The following ATP9B variants were observed in gnomAD, a reference collection of about 807,000 sequenced individuals.
The protein encoded by ATP9B is ATPase phospholipid transporting 9B.
In ATP9B, 110 loss-of-function variants were observed where a neutral mutation model predicts 146.1. The observed-to-expected ratio is 0.75, with a 90% confidence interval of 0.65 to 0.88. The LOEUF (loss-of-function observed/expected upper bound fraction) is 0.88, where lower values mean the gene tolerates loss of function less well. Among genes scored for constraint, ATP9B ranks in the 40% least tolerant of loss-of-function variants. The pLI, the probability that ATP9B is intolerant of heterozygous loss-of-function variation, is 0.00. For synonymous variants in ATP9B, 604 were observed against 569.7 expected (o/e 1.06, Z -0.86); for missense variants, 1,499 against 1,496.4 (o/e 1.00, Z -0.03).
At chr18:79,328,364 A>G (rs1014551463) in intron 15 of ATP9B, among the ~76,000 whole-genome samples, 3 of 152,218 alleles carry the variant, frequency 2.0e-5, no homozygotes, top group African/African-American at 7.2e-5. Flanking sequence ...TATTAACTGT[A>G]AAAATTGCTC....
intron 10 of ATP9B, among the ~76,000 whole-genome samples, chr18:79,209,182 A>T (rs1286872606): frequency 6.6e-6 from 1 of 152,218 alleles, no homozygotes; most frequent in African/African-American, 2.4e-5. Flanking sequence ...ATTCCCTGAA[A>T]GCCAGTGTCC....
At chr18:79,193,141 A>G (rs1309547231) in intron 8 of ATP9B, 42 bp from the exon 9 acceptor site, 6 of 1,401,444 alleles carry the variant, frequency 4.3e-6, no homozygotes, top group Non-Finnish European at 6.0e-6. Flanking sequence ...TAATTTTACT[A>G]AACTATAACA....
At position 79,183,010 on chromosome 18, in the gene ATP9B, C is replaced by T. The variant is rs150385030; in HGVS notation, c.873+6103C>T. Among the ~76,000 whole-genome samples, 146 of 152,320 alleles carry T rather than the reference C, an allele frequency of 9.6e-4. 3 individuals are homozygous for T. The East Asian group carries it at 0.026, about 27-fold the overall frequency. On this transcript the variant is annotated intron_variant, in intron 8 of 29. Transcript: ENST00000426216. The stretch of plus-strand genomic sequence containing the variant: ...AAATAGAAAAAAACCTGCCAGTCTG[C>T]ATTGGCCATCAGAGCATTTTGGTAT...
chr18:79,117,474 C>CA (rs1245986643), intron 4 of ATP9B: 1 of 152,228 alleles, frequency 6.6e-6, no homozygotes, highest in East Asian at 1.9e-4. Flanking sequence ...GTAAAACAGT[C>CA]AGATATGAAA....
chr18:79,081,198 C>T (rs752400068), intron 1 of ATP9B, among the ~76,000 whole-genome samples: 3 of 152,100 alleles, frequency 2.0e-5, no homozygotes, highest in Non-Finnish European at 4.4e-5. Context: ...GGAATGATAC[C>T]AGCTCCTCTT....
At chr18:79,226,968 A>G (rs1482270250) in intron 11 of ATP9B, among the ~76,000 whole-genome samples, 2 of 152,114 alleles carry the variant, frequency 1.3e-5, no homozygotes, top group South Asian at 2.1e-4. Context: ...GTTGGGCACC[A>G]TATACTAGGC....
chr18:79,080,553 A>G (rs1053094272), intron 1 of ATP9B, among the ~76,000 whole-genome samples: 2 of 152,170 alleles, frequency 1.3e-5, no homozygotes, highest in Middle Eastern at 3.4e-3. Context: ...GTATACAATC[A>G]TGTCATCCAC....
In ATP9B at chr18:79,277,111, T is replaced by A. The variant is rs1159458749; in HGVS notation, c.1326T>A (p.Asp442Glu). The A allele has an allele frequency of 6.2e-7, 1 of 1,614,082 alleles. No homozygotes were observed. Among genetic ancestry groups the A allele is most frequent in the Non-Finnish European group, 8.5e-7 (1 of 1,180,030 alleles). Reference sequence around the variant, plus strand: ...TGTATGGATGGATGATGATGAAAGATGAGAACATCCCTGGCACGGTCGTTC... The same window carrying A: ...TGTATGGATGGATGATGATGAAAGAAGAGAACATCCCTGGCACGGTCGTTC... The part of the protein sequence containing the change: ...KAVYGWMMMK[D>E]ENIPGTVVRT... Residue 442 changes from aspartate to glutamate, a missense_variant, in exon 13 of 30, where the codon GAT becomes GAA. By Grantham distance (45) the Asp-to-Glu change is conservative. Coordinates refer to ENST00000426216, the MANE Select transcript of ATP9B (RefSeq NM_198531.5).
At chr18:79,206,703 C>T (rs151101642) in intron 9 of ATP9B, among the ~76,000 whole-genome samples, 22 of 152,066 alleles carry the variant, frequency 1.4e-4, no homozygotes, top group Non-Finnish European at 3.1e-4. Flanking sequence ...AGAATTATTT[C>T]GTTTGTGTAT....
intron 11 of ATP9B, among the ~76,000 whole-genome samples, chr18:79,219,635 G>C (rs556729621): frequency 1.6e-4 from 25 of 152,262 alleles, no homozygotes; most frequent in Non-Finnish European, 3.4e-4. Context: ...CTATCAGTAT[G>C]TCACTCTTTC....
chr18:79,343,957 A>G (rs993004291), intron 20 of ATP9B: 2 of 439,890 alleles, frequency 4.5e-6, no homozygotes, highest in Admixed American at 4.0e-5. Context: ...GGTAATTATT[A>G]ACTCATAGGC....
Position 79,311,336 on chromosome 18 carries a change from C to A in ATP9B, c.1773+4102C>A, listed in dbSNP as rs1452406486. 3.3e-5 allele frequency among the ~76,000 whole-genome samples: 5 copies of A among 152,228 alleles called. No individual in the cohort carries two copies. The East Asian group carries it at 7.7e-4, about 23-fold the overall frequency. On this transcript the variant is annotated intron_variant, in intron 15 of 29. Coordinates refer to ENST00000426216, the MANE Select transcript of ATP9B (RefSeq NM_198531.5). ...GAATGTGAGGATGTGAGGCCCTCCTCCACCAATATTTTAAGTTTTCTGTAC... is the reference window on the plus strand; with the variant it reads ...GAATGTGAGGATGTGAGGCCCTCCTACACCAATATTTTAAGTTTTCTGTAC...
At chr18:79,343,910 T>C in intron 20 of ATP9B, 1 of 341,692 alleles carries the variant, frequency 2.9e-6, no homozygotes, top group Non-Finnish European at 5.5e-6. Context: ...AGGGAGTGTA[T>C]GTATAAAAGG....
chr18:79,148,127 A>G (rs574231033), intron 6 of ATP9B, among the ~76,000 whole-genome samples: 1 of 152,326 alleles, frequency 6.6e-6, no homozygotes, highest in South Asian at 2.1e-4. Flanking sequence ...TGAAATAGAC[A>G]ATATCAGTAG....
intron 13 of ATP9B, among the ~76,000 whole-genome samples, chr18:79,295,121 C>G (rs923329792): frequency 1.3e-5 from 2 of 152,106 alleles, no homozygotes; most frequent in Non-Finnish European, 2.9e-5. Context: ...GACACACACA[C>G]ACACACAGCA....
At chr18:79,200,727 G>GTCAGGGTCAGAGCAGAGGTGGAGGTGGGA in intron 9 of ATP9B, among the ~76,000 whole-genome samples, 49 of 45,504 alleles carry the variant, frequency 1.1e-3, no homozygotes, top group African/African-American at 1.3e-3. Flanking sequence ...TGGAGGTGGG[G>GTCAGGGTCAGAGCAGAGGTGGAGGTGGGA]ACTGTCGGGG....
intron 26 of ATP9B, chr18:79,360,740 A>C (rs894305621): frequency 6.6e-6 from 1 of 152,260 alleles, no homozygotes; most frequent in Non-Finnish European, 1.5e-5. Flanking sequence ...AAATAAAGCT[A>C]GTTCACCAGT....
intron 17 of ATP9B, among the ~76,000 whole-genome samples, chr18:79,335,228 T>C (rs1476535925): frequency 2.0e-5 from 3 of 152,218 alleles, no homozygotes; most frequent in Admixed American, 6.5e-5. Context: ...CCCTCGTTCA[T>C]GTAAGCAATA....
intron 1 of ATP9B, among the ~76,000 whole-genome samples, chr18:79,095,996 T>A (rs1378616316): frequency 1.3e-5 from 2 of 152,184 alleles, no homozygotes; most frequent in Non-Finnish European, 2.9e-5. Flanking sequence ...AACCAAGGGA[T>A]GATGTTGATA....
Sources: gnomAD v4.1 joint callset for allele counts (sites outside exome capture counted in the v4.1 genomes callset) on GRCh38, gnomAD v4.1.1 for gene constraint, MANE v1.5 for transcripts, NCBI Gene and HGNC (gene_info 2026-07-23, HGNC 2026-07-21) for gene names.